Variants in PXDNL observed in about 807,000 individuals in gnomAD.
PXDNL encodes the protein probable oxidoreductase PXDNL.
In PXDNL, 145 loss-of-function variants were observed where a neutral mutation model predicts 150.8. The ratio of observed to expected loss-of-function variants is 0.96; its 90% CI spans 0.84 to 1.10. The LOEUF (loss-of-function observed/expected upper bound fraction) is 1.10, where lower values mean the gene tolerates loss of function less well. Ranked by LOEUF, PXDNL falls within the 50% of genes least tolerant of loss-of-function variation. PXDNL has a pLI of 0.00. For missense variants in PXDNL, 2,087 were observed against 1,873.9 expected, an observed-to-expected ratio of 1.11 and a Z score of -2.10; for synonymous variants, 757 against 725.7, an observed-to-expected ratio of 1.04 and a Z score of -0.69.
At chr8:51,544,560 A>G (rs1039374280) in intron 4 of PXDNL, among the ~76,000 whole-genome samples, 1 of 152,224 alleles carries the variant, frequency 6.6e-6, no homozygotes. Flanking sequence ...ACCTAATGCA[A>G]CATAAAGAGA....
chr8:51,648,283 C>T (rs377360049), intron 2 of PXDNL, among the ~76,000 whole-genome samples: 2 of 152,174 alleles, frequency 1.3e-5, no homozygotes, highest in African/African-American at 4.8e-5. Context: ...AAGGGATCTT[C>T]GGGGATGTGA....
At chr8:51,544,677 C>T (rs908012668) in intron 4 of PXDNL, among the ~76,000 whole-genome samples, 1 of 152,116 alleles carries the variant, frequency 6.6e-6, no homozygotes, top group Non-Finnish European at 1.5e-5. Context: ...CCTCACCCCC[C>T]ACAACCTACT....
intron 8 of PXDNL, among the ~76,000 whole-genome samples, chr8:51,459,585 G>A (rs1810018005): frequency 6.6e-6 from 1 of 152,126 alleles, no homozygotes. Flanking sequence ...CCTTTTCCTA[G>A]TAATTTCCCT....
At chr8:51,347,788 C>T (rs898534763) in intron 19 of PXDNL, among the ~76,000 whole-genome samples, 6 of 151,538 alleles carry the variant, frequency 4.0e-5, no homozygotes. Flanking sequence ...CTAGATAAAG[C>T]TGTACATTAT....
chr8:51,327,786 C>T (rs900674945), intron 21 of PXDNL, among the ~76,000 whole-genome samples: 2 of 152,184 alleles, frequency 1.3e-5, no homozygotes, highest in African/African-American at 4.8e-5. Flanking sequence ...TCACTCCCAT[C>T]CTCACGACAA....
intron 4 of PXDNL, among the ~76,000 whole-genome samples, chr8:51,531,701 A>G (rs1025313129): frequency 1.3e-5 from 2 of 152,242 alleles, no homozygotes; most frequent in East Asian, 3.8e-4. Context: ...GAAGGAGCTT[A>G]AGTCAAGTGA....
In PXDNL at chr8:51,381,461, A is replaced by G. The variant is rs537184796; in HGVS notation, c.3558-6730T>C. 4.6e-5 allele frequency among the ~76,000 whole-genome samples: 7 copies of G among 152,216 alleles called. No homozygotes were observed. The East Asian group carries it at 5.8e-4, about 13-fold the overall frequency. The stretch of plus-strand genomic sequence containing the variant: ...TAAGAACTAAATTTTAATTATTGCT[A>G]TGAGTTGAGTTGTGTTCCCATGAAA... On this transcript the variant is annotated intron_variant, in intron 17 of 22. Coordinates refer to ENST00000356297, the MANE Select transcript of PXDNL (RefSeq NM_144651.5).
intron 1 of PXDNL, among the ~76,000 whole-genome samples, chr8:51,743,611 A>G (rs1393494776): frequency 1.3e-5 from 2 of 151,824 alleles, no homozygotes; most frequent in South Asian, 4.2e-4. Flanking sequence ...TGAACTCCTG[A>G]CCTCAGGTAA....
chr8:51,521,551 G>C (rs1418338316), intron 4 of PXDNL, among the ~76,000 whole-genome samples: 1 of 151,980 alleles, frequency 6.6e-6, no homozygotes, highest in Non-Finnish European at 1.5e-5. Context: ...ACAGAAACTG[G>C]CAGAATAAAT....
chr8:51,577,939 G>GA (rs1319031517), intron 3 of PXDNL, among the ~76,000 whole-genome samples: 2 of 62,084 alleles, frequency 3.2e-5, no homozygotes, highest in Non-Finnish European at 6.6e-5. Context: ...AAGAAAGAAA[G>GA]AAAGAAAGAA....
In PXDNL at chr8:51,577,990, A is replaced by G. The variant is rs564415239; in HGVS notation, c.308+14637T>C. Among the ~76,000 whole-genome samples, 605 of 71,690 alleles carry G rather than the reference A, an allele frequency of 8.4e-3. 1 individual carries two copies. Among genetic ancestry groups the G allele is most frequent in the Admixed American group, 0.014 (88 of 6,294 alleles). 47.0% of individuals were successfully genotyped at this position (71,690 alleles called of 152,430 possible). A position where few individuals can be genotyped will look rare whatever the true frequency, so the allele number is the denominator to read the frequency against. ...AAGAAAGAAAGAAAGAAAGAAAGAA[A>G]GAAAGAAAGAGGAAGGAAGGAAGGA... On this transcript the variant is annotated intron_variant, in intron 3 of 22. Transcript: ENST00000356297.
intron 19 of PXDNL, among the ~76,000 whole-genome samples, chr8:51,364,670 A>G (rs1405590715): frequency 1.3e-5 from 2 of 152,218 alleles, no homozygotes; most frequent in Non-Finnish European, 2.9e-5. Context: ...AGAAATGTTC[A>G]TGGTACATTT....
chr8:51,702,289 C>T (rs1816272740), intron 1 of PXDNL, among the ~76,000 whole-genome samples: 2 of 152,092 alleles, frequency 1.3e-5, no homozygotes, highest in Admixed American at 1.3e-4. Context: ...CTGCTACTTC[C>T]GTAAGTGATG....
At chr8:51,647,842 TATTTATTATTAGA>T (rs1212481569) in intron 2 of PXDNL, among the ~76,000 whole-genome samples, 1 of 152,214 alleles carries the variant, frequency 6.6e-6, no homozygotes, top group Non-Finnish European at 1.5e-5. Flanking sequence ...TTATTTTTAA[TATTTATTATTAGA>T]ATTTATAATT....
intron 2 of PXDNL, among the ~76,000 whole-genome samples, chr8:51,642,159 G>A (rs1048767893): frequency 2.0e-5 from 3 of 149,664 alleles, no homozygotes; most frequent in Non-Finnish European, 4.4e-5. Flanking sequence ...TGAACAATGA[G>A]AACACATGGA....
At position 51,371,874 on chromosome 8, in the gene PXDNL, T is replaced by C. The variant is rs1807125816; in HGVS notation, c.3900A>G (p.Ala1300=). Residue 1300 remains alanine (A), a splice_region_variant and synonymous_variant, in exon 19 of 23, where the codon GCA becomes GCG. Transcript: ENST00000356297. The part of the protein sequence containing the change: ...VDLRVWQDCC[A]DCRSRGQFRA... ...CGTGCTCATTGCATTATTACTGACC[T>C]GCACAGCAGTCTTGCCACACTCGCA... 4 of 1,613,050 alleles carry C rather than the reference T, an allele frequency of 2.5e-6. No individual in the cohort carries two copies. Among genetic ancestry groups the C allele is most frequent in the Non-Finnish European group, 3.4e-6 (4 of 1,179,404 alleles).
intron 22 of PXDNL, 52 bp from the exon 23 acceptor site, chr8:51,320,074 T>C (rs922190629): frequency 2.3e-6 from 3 of 1,293,054 alleles, no homozygotes; most frequent in African/African-American, 1.5e-5. Context: ...ATCAAAGTAC[T>C]TAAAAGACAA....
intron 1 of PXDNL, among the ~76,000 whole-genome samples, chr8:51,759,751 C>T (rs1295320673): frequency 1.3e-5 from 2 of 152,200 alleles, no homozygotes; most frequent in African/African-American, 4.8e-5. Flanking sequence ...AGCCAAGTTC[C>T]CCACCTGCTC....
intron 2 of PXDNL, among the ~76,000 whole-genome samples, chr8:51,641,848 A>G (rs1451713198): frequency 6.6e-6 from 1 of 152,156 alleles, no homozygotes; most frequent in African/African-American, 2.4e-5. Flanking sequence ...CAGCCATCCC[A>G]TTACTGGGTA....
Sources: gnomAD v4.1 joint callset for allele counts (sites outside exome capture counted in the v4.1 genomes callset) on GRCh38, gnomAD v4.1.1 for gene constraint, MANE v1.5 for transcripts, NCBI Gene and HGNC (gene_info 2026-07-23, HGNC 2026-07-21) for gene names.